Variants in CDC73 observed in about 807,000 individuals in gnomAD.
The protein encoded by CDC73 is parafibromin.
A neutral mutation model predicts 83.7 loss-of-function variants in CDC73; 21 were observed. The observed-to-expected ratio is 0.25, with a 90% CI of 0.18 to 0.36. The LOEUF (loss-of-function observed/expected upper bound fraction) is 0.36. CDC73 is among the 10% of genes least tolerant of loss of function. The pLI, the probability that CDC73 is intolerant of heterozygous loss-of-function variation, is 1.00. For synonymous variants in CDC73, 224 were observed against 212.9 expected, an observed-to-expected ratio of 1.05 and a Z score of -0.45; for missense variants, 342 against 653.3, an observed-to-expected ratio of 0.52 and a Z score of 5.19.
chr1:193,247,144 G>A (rs921366290), intron 15 of CDC73, among the ~76,000 whole-genome samples: 1 of 152,100 alleles, frequency 6.6e-6, no homozygotes, highest in Non-Finnish European at 1.5e-5. Context: ...TGGCAACCTT[G>A]TGTGTTGATA....
intron 10 of CDC73, among the ~76,000 whole-genome samples, chr1:193,156,780 T>C (rs1364406587): frequency 2.0e-5 from 3 of 152,116 alleles, no homozygotes; most frequent in Non-Finnish European, 2.9e-5. Flanking sequence ...ATGGAGACTC[T>C]CTTAAAAGCT....
intron 13 of CDC73, among the ~76,000 whole-genome samples, chr1:193,229,818 T>A (rs1345472160): frequency 1.3e-5 from 2 of 152,200 alleles, no homozygotes; most frequent in Admixed American, 1.3e-4. Flanking sequence ...ATAATACATC[T>A]GGTATATGAG....
intron 10 of CDC73, among the ~76,000 whole-genome samples, chr1:193,198,950 A>G (rs1677045390): frequency 6.6e-6 from 1 of 152,220 alleles, no homozygotes; most frequent in Non-Finnish European, 1.5e-5. Flanking sequence ...AACATGTCTC[A>G]GCCGTTTAAG....
chr1:193,182,594 A>G (rs1301365741), intron 10 of CDC73, among the ~76,000 whole-genome samples: 7 of 152,124 alleles, frequency 4.6e-5, no homozygotes, highest in Non-Finnish European at 8.8e-5. Context: ...ATAATTTGTT[A>G]AACTTTTAGA....
At chr1:193,203,103 C>T (rs901823560) in intron 10 of CDC73, among the ~76,000 whole-genome samples, 1 of 152,018 alleles carries the variant, frequency 6.6e-6, no homozygotes, top group Non-Finnish European at 1.5e-5. Context: ...GAAACTTGCA[C>T]TAAAAACAGA....
intron 13 of CDC73, among the ~76,000 whole-genome samples, chr1:193,218,158 A>T: frequency 6.6e-6 from 1 of 152,222 alleles, no homozygotes; most frequent in East Asian, 1.9e-4. Flanking sequence ...CACAGTAGCC[A>T]CACACTCACA....
chr1:193,176,458 A>G (rs1166459200), intron 10 of CDC73, among the ~76,000 whole-genome samples: 1 of 152,238 alleles, frequency 6.6e-6, no homozygotes, highest in Non-Finnish European at 1.5e-5. Flanking sequence ...TTTAGGTGGC[A>G]TAGCAGACAG....
At chr1:193,175,242 G>A (rs1676581410) in intron 10 of CDC73, among the ~76,000 whole-genome samples, 2 of 152,164 alleles carry the variant, frequency 1.3e-5, no homozygotes, top group African/African-American at 2.4e-5. Context: ...AACAGATTAT[G>A]TGGATATGAG....
chr1:193,134,736 A>C (rs1215301489), intron 3 of CDC73, among the ~76,000 whole-genome samples: 4 of 152,154 alleles, frequency 2.6e-5, no homozygotes, highest in African/African-American at 4.8e-5. Flanking sequence ...TTGTTAGGTA[A>C]AAAAGAAAAC....
At chr1:193,122,408 T>C (rs899670544) in intron 1 of CDC73, 77 bp downstream of exon 1, 6 of 1,567,556 alleles carry the variant, frequency 3.8e-6, no homozygotes, top group Non-Finnish European at 4.4e-6. Flanking sequence ...TCTTAACCCC[T>C]CCCCCCGTTT....
Position 193,249,695 on chromosome 1 carries a change from G to C in CDC73, c.1418-35G>C. On this transcript the variant is annotated intron_variant, in intron 15 of 16. Coordinates refer to ENST00000367435, the MANE Select transcript of CDC73 (RefSeq NM_024529.5). ...ATTTTTTTCTTTTTTTTTATTTTGAGTAAAAATGATAACTTCTCTCCACCC... is the reference window on the plus strand; with the variant it reads ...ATTTTTTTCTTTTTTTTTATTTTGACTAAAAATGATAACTTCTCTCCACCC... 5 of 1,557,984 alleles carry C rather than the reference G, an allele frequency of 3.2e-6. No individual in the cohort carries two copies. The South Asian group carries it at 5.6e-5, about 17-fold the overall frequency.
At chr1:193,145,444 A>G (rs1353018906) in intron 7 of CDC73, among the ~76,000 whole-genome samples, 1 of 152,230 alleles carries the variant, frequency 6.6e-6, no homozygotes, top group Non-Finnish European at 1.5e-5. Flanking sequence ...AGCTGATCTG[A>G]GAATACAGCT....
At chr1:193,134,190 T>A (rs1438159114) in intron 3 of CDC73, among the ~76,000 whole-genome samples, 1 of 152,020 alleles carries the variant, frequency 6.6e-6, no homozygotes, top group Non-Finnish European at 1.5e-5. Context: ...TTAAAAAAAC[T>A]TGCCATTATA....
intron 16 of CDC73, among the ~76,000 whole-genome samples, chr1:193,250,347 T>G (rs1678025218): frequency 2.0e-5 from 3 of 151,906 alleles, no homozygotes; most frequent in African/African-American, 7.2e-5. Context: ...AATCGGCAAA[T>G]TTAAGAACAG....
chr1:193,250,964 G>T lies in CDC73; in HGVS notation c.*252G>T. 2.1e-6 allele frequency: 1 copy of T among 485,660 alleles called. No individual in the cohort carries two copies. The highest frequency in any genetic ancestry group is 3.7e-6 in the Non-Finnish European group (1 of 271,686). 30.1% of individuals were successfully genotyped at this position (485,660 alleles called of 1,614,324 possible). A position where few individuals can be genotyped will look rare whatever the true frequency, so the allele number is the denominator to read the frequency against. On this transcript the variant is annotated 3_prime_UTR_variant, in exon 17 of 17. Coordinates refer to ENST00000367435, the MANE Select transcript of CDC73 (RefSeq NM_024529.5). ...AGTTTTTTCTCCATTGGTTAAATTAGCATTACTTAAAATTTGTTTCTTTAG... is the reference window on the plus strand; with the variant it reads ...AGTTTTTTCTCCATTGGTTAAATTATCATTACTTAAAATTTGTTTCTTTAG...
chr1:193,180,579 A>G, intron 10 of CDC73: 4 of 1,614,180 alleles, frequency 2.5e-6, no homozygotes, highest in Non-Finnish European at 3.4e-6. Flanking sequence ...AAGAAACTTT[A>G]AAAATCTTTT....
chr1:193,187,102 T>TTCCCCCC (rs1553285108), intron 10 of CDC73, among the ~76,000 whole-genome samples: 2 of 32,876 alleles, frequency 6.1e-5, no homozygotes, highest in African/African-American at 1.0e-4. Context: ...GTAATTTAGA[T>TTCCCCCC]CCCCCCCCCC....
At chr1:193,158,216 A>G (rs1254422086) in intron 10 of CDC73, among the ~76,000 whole-genome samples, 2 of 152,064 alleles carry the variant, frequency 1.3e-5, no homozygotes, top group Non-Finnish European at 2.9e-5. Context: ...TGCAACAACT[A>G]TGTATGTTTA....
At position 193,200,112 on chromosome 1, in the gene CDC73, G is replaced by A. The variant is rs141823633; in HGVS notation, c.973-3683G>A. Among the ~76,000 whole-genome samples, 224 of 151,626 alleles carry A rather than the reference G, an allele frequency of 1.5e-3. No individual in the cohort carries two copies. In the East Asian group the frequency reaches 0.019, roughly 13 times the overall value. ...AAAAACTAGCCTGGCATGGTGGTGC[G>A]TGCCTGGAGGCTGAGGTGAGAAAAC... On this transcript the variant is annotated intron_variant, in intron 10 of 16. Coordinates refer to ENST00000367435, the MANE Select transcript of CDC73 (RefSeq NM_024529.5).
Sources: gnomAD v4.1 joint callset for allele counts (sites outside exome capture counted in the v4.1 genomes callset) on GRCh38, gnomAD v4.1.1 for gene constraint, MANE v1.5 for transcripts, NCBI Gene and HGNC (gene_info 2026-07-23, HGNC 2026-07-21) for gene names.